The following ZNF605 variants were observed in gnomAD, a reference collection of about 807,000 sequenced individuals.
ZNF605 encodes zinc finger protein 605.
In ZNF605, 9 loss-of-function variants were observed where a neutral mutation model predicts 7.9. That is an observed-to-expected ratio of 1.14 (90% CI 0.68 to 1.98). ZNF605 has a LOEUF of 1.98. Ranked by LOEUF, ZNF605 falls within the 30% of genes most tolerant of loss-of-function variation. The pLI is 0.00. For missense variants in ZNF605, 673 were observed against 762.4 expected, an observed-to-expected ratio of 0.88 and a Z score of 1.38; for synonymous variants, 255 against 260.1, an observed-to-expected ratio of 0.98 and a Z score of 0.19.
chr12:132,954,971 T>C (rs1435591050), intron 1 of ZNF605, among the ~76,000 whole-genome samples: 1 of 152,060 alleles, frequency 6.6e-6, no homozygotes, highest in Non-Finnish European at 1.5e-5. Flanking sequence ...CTCGCCAGCA[T>C]AGGCCACCCC....
Position 132,933,192 on chromosome 12 carries a change from T to C in ZNF605, c.16-37A>G. The stretch of plus-strand genomic sequence containing the variant: ...TAATCCCTGTTAAACCTGAAGTGGT[T>C]CTCATTTGGTCTTGTAAAATACTTT... On this transcript the variant is annotated intron_variant, in intron 3 of 4. Coordinates refer to ENST00000360187, the MANE Select transcript of ZNF605 (RefSeq NM_183238.4). The surrounding 1 kb of genome is among the most constrained non-coding windows in gnomAD (Gnocchi z 4.4). 2 of 1,569,120 alleles carry C rather than the reference T, an allele frequency of 1.3e-6. No individual in the cohort carries two copies. Among genetic ancestry groups the C allele is most frequent in the Non-Finnish European group, 1.7e-6 (2 of 1,156,818 alleles).
intron 4 of ZNF605, among the ~76,000 whole-genome samples, chr12:132,927,750 G>T (rs1004650675): frequency 6.8e-6 from 1 of 147,978 alleles, no homozygotes; most frequent in African/African-American, 2.5e-5. Context: ...TCCACCTCCC[G>T]GGTTCAAGCG....
Position 132,926,455 on chromosome 12 carries a change from T to C in ZNF605, c.844A>G (p.Ser282Gly). The part of the protein sequence containing the change: ...QITHTIEKPY[S>G]CSECGKAFSQ... ...AATGCTTTCCCACACTCACTGCAAC[T>C]GTAGGGTTTCTCTATTGTGTGCGTT... is the stretch of plus-strand genomic sequence containing the variant. The change falls in exon 5 of 5, where the codon AGT (serine) becomes GGT (glycine). Residue 282 changes from serine to glycine, a missense_variant. Physicochemically the swap from Ser to Gly is moderately conservative, Grantham distance 56. Coordinates refer to ENST00000360187, the MANE Select transcript of ZNF605 (RefSeq NM_183238.4). The C allele has an allele frequency of 6.2e-7, 1 of 1,614,040 alleles. No homozygotes were observed. The highest frequency in any genetic ancestry group is 8.5e-7 in the Non-Finnish European group (1 of 1,179,994).
Position 132,947,387 on chromosome 12 carries a change from C to T in ZNF605, c.-163+761G>A, listed in dbSNP as rs546751977. 1.9e-3 allele frequency among the ~76,000 whole-genome samples: 290 copies of T among 151,744 alleles called. 1 individual carries two copies. Among genetic ancestry groups the T allele is most frequent in the Middle Eastern group, 3.4e-3 (1 of 292 alleles). ...GTGCAGTGGCATGATCTTGGCTCAC[C>T]GTAGCCTCAACCTTCCTGGGCTCAG... On this transcript the variant is annotated intron_variant, in intron 2 of 4. Coordinates refer to ENST00000360187, the MANE Select transcript of ZNF605 (RefSeq NM_183238.4).
At chr12:132,952,527 G>A (rs1029754679) in intron 1 of ZNF605, among the ~76,000 whole-genome samples, 6 of 151,560 alleles carry the variant, frequency 4.0e-5, no homozygotes, top group East Asian at 1.9e-4. Context: ...CCCAGACGTC[G>A]TAGAGGCTTG....
chr12:132,940,697 T>C (rs1027809656), intron 3 of ZNF605, among the ~76,000 whole-genome samples: 3 of 152,066 alleles, frequency 2.0e-5, no homozygotes, highest in Non-Finnish European at 4.4e-5. Flanking sequence ...AGCCTCAGAC[T>C]GGCAGGTAAA....
Position 132,925,496 on chromosome 12 carries a change from C to G in ZNF605, c.1803G>C (p.Lys601Asn). ...CGECGKSFTR[K>N]SHLMRHQRIH... Reference sequence around the variant, plus strand: ...TCCTCTGATGCCTCATAAGGTGTGACTTTCTTGTGAAAGATTTCCCACATT... The same window carrying G: ...TCCTCTGATGCCTCATAAGGTGTGAGTTTCTTGTGAAAGATTTCCCACATT... Residue 601 changes from lysine (K) to asparagine (N), a missense_variant, in exon 5 of 5, where the codon AAG becomes AAC. Transcript: ENST00000360187. 1 of 1,614,128 alleles carries G rather than the reference C, an allele frequency of 6.2e-7. No individual in the cohort carries two copies. Among genetic ancestry groups the G allele is most frequent in the Non-Finnish European group, 8.5e-7 (1 of 1,180,000 alleles).
At chr12:132,948,353 C>T (rs887334360) in intron 1 of ZNF605, 83 bp from the exon 2 acceptor site, 77 of 152,190 alleles carry the variant, frequency 5.1e-4, no homozygotes, top group African/African-American at 1.8e-3. Flanking sequence ...AGCAATCCTG[C>T]CAAGCAACGT....
Position 132,920,520 on chromosome 12 carries a change from G to C in ZNF605, c.*4853C>G, listed in dbSNP as rs907618777. On this transcript the variant is annotated 3_prime_UTR_variant, in exon 5 of 5. Transcript: ENST00000360187. ...TAATAATTGTGTTCTAAGTTGCAAA[G>C]ATCCCATAAGGGAAATAAAGAATTA... The C allele has an allele frequency of 1.3e-4, 20 of 152,176 alleles. No homozygotes were observed. The highest frequency in any genetic ancestry group is 4.8e-4 in the African/African-American group (20 of 41,436). 9.4% of individuals were successfully genotyped at this position (152,176 alleles called of 1,614,324 possible).
At chr12:132,929,084 A>T (rs1952279077) in intron 4 of ZNF605, among the ~76,000 whole-genome samples, 1 of 152,080 alleles carries the variant, frequency 6.6e-6, no homozygotes, top group East Asian at 1.9e-4. Context: ...GGGGGGAAAA[A>T]GCCTCATCTA....
intron 4 of ZNF605, among the ~76,000 whole-genome samples, chr12:132,929,716 G>A (rs1241479406): frequency 6.6e-6 from 1 of 152,164 alleles, no homozygotes; most frequent in Non-Finnish European, 1.5e-5. Flanking sequence ...GGAGGCCGAG[G>A]CAGGCAGATC....
At chr12:132,947,259 C>T (rs924213523) in intron 2 of ZNF605, among the ~76,000 whole-genome samples, 2 of 152,116 alleles carry the variant, frequency 1.3e-5, no homozygotes, top group African/African-American at 4.8e-5. Context: ...AGGTGATCCG[C>T]CCACCTCAGC....
rs909873921 is a variant in ZNF605, at chr12:132,921,944, G to A, written c.*3429C>T. 6.6e-6 allele frequency: 1 copy of A among 152,220 alleles called. No individual in the cohort carries two copies. Among genetic ancestry groups the A allele is most frequent in the Non-Finnish European group, 1.5e-5 (1 of 68,034 alleles). 9.4% of individuals were successfully genotyped at this position (152,220 alleles called of 1,614,324 possible). A position where few individuals can be genotyped will look rare whatever the true frequency, so the allele number is the denominator to read the frequency against. On this transcript the variant is annotated 3_prime_UTR_variant, in exon 5 of 5. Coordinates refer to ENST00000360187, the MANE Select transcript of ZNF605 (RefSeq NM_183238.4). ...TTAGCGCCGTAAGGTTGTAAGAGAA[G>A]CAACTCTGGCTTGATCTTAGAAAAG...
rs1283008039 is a variant in ZNF605 at position 132,924,093 on chromosome 12, C to G, written c.*1280G>C. On this transcript the variant is annotated 3_prime_UTR_variant, in exon 5 of 5. Transcript: ENST00000360187. ...TTCCTCTACTTTATATTTACAATAG[C>G]TCTTTTAATATCCTTGTCTACTAAT... 1 of 152,140 alleles carries G rather than the reference C, an allele frequency of 6.6e-6. No individual in the cohort carries two copies. The highest frequency in any genetic ancestry group is 1.5e-5 in the Non-Finnish European group (1 of 68,024). The allele number at this position is 152,140 out of a possible 1,614,324, so 9.4% of individuals were successfully genotyped here.
At chr12:132,948,294 G>C (rs1952515385) in intron 1 of ZNF605, 24 bp from the exon 2 acceptor site, 1 of 152,212 alleles carries the variant, frequency 6.6e-6, no homozygotes, top group Non-Finnish European at 1.5e-5. Flanking sequence ...TCCAAAAAAA[G>C]CTTCCTGTAA....
intron 1 of ZNF605, among the ~76,000 whole-genome samples, chr12:132,949,819 C>G (rs1952538165): frequency 6.6e-6 from 1 of 152,164 alleles, no homozygotes; most frequent in African/African-American, 2.4e-5. Flanking sequence ...GGAGGAATTC[C>G]TAGAAATGGC....
intron 4 of ZNF605, among the ~76,000 whole-genome samples, chr12:132,931,209 G>A (rs1352528805): frequency 6.6e-6 from 1 of 152,094 alleles, no homozygotes; most frequent in African/African-American, 2.4e-5. Flanking sequence ...ATATTTCCCA[G>A]GGTAGAGGCT....
Position 132,925,285 on chromosome 12 carries a change from A to G in ZNF605, c.*88T>C. ...CTTTTTCAACAGTCACTGCCTCAAT[A>G]GGGTTTCTCTCCCACATGCATCCTC... On this transcript the variant is annotated 3_prime_UTR_variant, in exon 5 of 5. Transcript: ENST00000360187. 4 of 943,794 alleles carry G rather than the reference A, an allele frequency of 4.2e-6. No homozygotes were observed. The highest frequency in any genetic ancestry group is 6.2e-6 in the Non-Finnish European group (4 of 640,308). The allele number at this position is 943,794 out of a possible 1,614,324, so 58.5% of individuals were successfully genotyped here.
At chr12:132,945,425 C>A in intron 3 of ZNF605, 196 bp downstream of exon 3, 1 of 1,321,234 alleles carries the variant, frequency 7.6e-7, no homozygotes, top group Non-Finnish European at 1.1e-6. Context: ...AACCGATAAC[C>A]CACCTGTGAC....
Sources: allele counts gnomAD v4.1 joint callset (sites outside exome capture counted in the v4.1 genomes callset), GRCh38; gene constraint gnomAD v4.1.1; non-coding constraint Gnocchi (gnomAD v3.1); transcripts MANE v1.5; gene names NCBI Gene and HGNC (gene_info 2026-07-23, HGNC 2026-07-21).